Variants in COL8A1 observed in about 807,000 individuals in gnomAD.
COL8A1 encodes collagen type VIII alpha 1 chain, also known as collagen alpha-1(VIII) chain.
In COL8A1, 21 loss-of-function variants were observed where a neutral mutation model predicts 42.7. That is an observed-to-expected ratio of 0.49 (90% confidence interval 0.35 to 0.71). The LOEUF (loss-of-function observed/expected upper bound fraction) is 0.71. Ranked by LOEUF, COL8A1 falls within the 30% of genes least tolerant of loss-of-function variation. The pLI is 0.01. For missense variants in COL8A1, 788 were observed against 962.4 expected (o/e 0.82, Z 2.40); for synonymous variants, 367 against 369.1 (o/e 0.99, Z 0.06).
At chr3:99,767,827 A>C (rs1356548146) in intron 2 of COL8A1, among the ~76,000 whole-genome samples, 2 of 152,216 alleles carry the variant, frequency 1.3e-5, no homozygotes, top group African/African-American at 4.8e-5. Context: ...TGAGAAGTAA[A>C]GATAATACTA....
chr3:99,641,648 A>T (rs1937509848), intron 1 of COL8A1, among the ~76,000 whole-genome samples: 1 of 152,152 alleles, frequency 6.6e-6, no homozygotes, highest in African/African-American at 2.4e-5. Flanking sequence ...TTTACTCCTT[A>T]TCCATGGTTA....
intron 2 of COL8A1, among the ~76,000 whole-genome samples, chr3:99,778,096 T>A (rs1471672842): frequency 6.6e-6 from 1 of 152,150 alleles, no homozygotes; most frequent in African/African-American, 2.4e-5. Flanking sequence ...GTTGAAGAGT[T>A]CACATGAATA....
chr3:99,719,608 CT>C (rs1940092958), intron 1 of COL8A1, among the ~76,000 whole-genome samples: 1 of 152,114 alleles, frequency 6.6e-6, no homozygotes, highest in East Asian at 1.9e-4. Flanking sequence ...ACAGGTAAGA[CT>C]TTCTGGAGGA....
chr3:99,791,851 T>C (rs1355215331), intron 3 of COL8A1, among the ~76,000 whole-genome samples: 2 of 152,238 alleles, frequency 1.3e-5, no homozygotes, highest in Non-Finnish European at 2.9e-5. Flanking sequence ...ACCTAGTCAT[T>C]TGACCTTTCA....
chr3:99,732,930 G>A (rs985420213), intron 1 of COL8A1, among the ~76,000 whole-genome samples: 4 of 151,952 alleles, frequency 2.6e-5, no homozygotes, highest in South Asian at 2.1e-4. Context: ...TGGCCAAAAC[G>A]AAAGGACTAC....
At chr3:99,694,002 C>A (rs1559780944) in intron 1 of COL8A1, among the ~76,000 whole-genome samples, 1 of 152,186 alleles carries the variant, frequency 6.6e-6, no homozygotes, top group Admixed American at 6.5e-5. Flanking sequence ...GTATTCAGCA[C>A]AGAAACTTGC....
chr3:99,705,730 G>A (rs1939663670), intron 1 of COL8A1, among the ~76,000 whole-genome samples: 1 of 152,134 alleles, frequency 6.6e-6, no homozygotes, highest in South Asian at 2.1e-4. Context: ...TTTATAAGAA[G>A]CAGGGAGACT....
At chr3:99,788,330 C>G (rs964175953) in intron 2 of COL8A1, among the ~76,000 whole-genome samples, 7 of 152,202 alleles carry the variant, frequency 4.6e-5, no homozygotes, top group Non-Finnish European at 1.0e-4. Flanking sequence ...TGGTATTCTT[C>G]CAGGCATTTC....
At chr3:99,734,725 G>T (rs899961109) in intron 1 of COL8A1, among the ~76,000 whole-genome samples, 11 of 151,914 alleles carry the variant, frequency 7.2e-5, no homozygotes, top group African/African-American at 2.2e-4. Flanking sequence ...CATTGAATCT[G>T]TAAATTACCT....
At chr3:99,743,218 G>T (rs1940942114) in intron 1 of COL8A1, among the ~76,000 whole-genome samples, 1 of 152,098 alleles carries the variant, frequency 6.6e-6, no homozygotes, top group African/African-American at 2.4e-5. Flanking sequence ...CATGAGAGTG[G>T]ACTAGAAAGT....
intron 1 of COL8A1, among the ~76,000 whole-genome samples, chr3:99,665,783 G>A (rs185216740): frequency 6.9e-6 from 1 of 145,484 alleles, no homozygotes; most frequent in Non-Finnish European, 1.5e-5. Flanking sequence ...CCGGGTTCAA[G>A]CAATTCTCCT....
chr3:99,696,418 G>A lies in COL8A1; in HGVS notation c.-128-48479G>A, dbSNP rs571175727. On this transcript the variant is annotated intron_variant, in intron 1 of 3. Coordinates refer to ENST00000652472, the MANE Select transcript of COL8A1 (RefSeq NM_020351.4). ...GATCTGCTAGGGGCCCCTACCAGGAGAAGCCTGGACCGAAGAGGACAAGTC... is the reference window on the plus strand; with the variant it reads ...GATCTGCTAGGGGCCCCTACCAGGAAAAGCCTGGACCGAAGAGGACAAGTC... Among the ~76,000 whole-genome samples, 177 of 152,322 alleles carry A rather than the reference G, an allele frequency of 1.2e-3. 1 individual carries two copies. The highest frequency in any genetic ancestry group is 1.9e-3 in the Admixed American group (29 of 15,302).
intron 1 of COL8A1, chr3:99,679,953 G>A (rs1296004198): frequency 6.6e-6 from 1 of 152,030 alleles, no homozygotes; most frequent in Non-Finnish European, 1.5e-5. Context: ...TCTAGGTTGA[G>A]GTTTTCCAGT....
chr3:99,667,941 A>T (rs1938417089), intron 1 of COL8A1, among the ~76,000 whole-genome samples: 1 of 152,062 alleles, frequency 6.6e-6, no homozygotes. Flanking sequence ...TGATTTCATA[A>T]AAAAAATTAT....
chr3:99,701,151 G>A (rs1273779963), intron 1 of COL8A1, among the ~76,000 whole-genome samples: 1 of 152,142 alleles, frequency 6.6e-6, no homozygotes. Context: ...CCCGGCTGAG[G>A]CAACTGGGAA....
intron 3 of COL8A1, among the ~76,000 whole-genome samples, chr3:99,791,434 TAAAAG>T (rs1180487081): frequency 2.0e-5 from 3 of 152,212 alleles, no homozygotes; most frequent in East Asian, 1.9e-4. Flanking sequence ...CCTGCTGTGT[TAAAAG>T]AAAAGTCACA....
intron 2 of COL8A1, among the ~76,000 whole-genome samples, chr3:99,760,426 T>C (rs1402662766): frequency 6.6e-6 from 1 of 152,220 alleles, no homozygotes; most frequent in Non-Finnish European, 1.5e-5. Context: ...ATATTTTCTT[T>C]GCAAAGAACT....
intron 3 of COL8A1, among the ~76,000 whole-genome samples, chr3:99,792,152 A>C (rs1467620412): frequency 6.6e-6 from 1 of 152,224 alleles, no homozygotes; most frequent in African/African-American, 2.4e-5. Context: ...ATATCTATTC[A>C]TGTAAAGAAA....
intron 1 of COL8A1, among the ~76,000 whole-genome samples, chr3:99,720,486 T>TTAGAA (rs1296869141): frequency 6.6e-6 from 1 of 152,106 alleles, no homozygotes; most frequent in Non-Finnish European, 1.5e-5. Flanking sequence ...TCCTATATGG[T>TTAGAA]TAGAATTCTG....
Sources: allele counts gnomAD v4.1 joint callset (sites outside exome capture counted in the v4.1 genomes callset), GRCh38; gene constraint gnomAD v4.1.1; transcripts MANE v1.5; gene names NCBI Gene and HGNC (gene_info 2026-07-23, HGNC 2026-07-21).